Variants in ZSWIM5 observed in about 807,000 individuals in gnomAD.
The protein encoded by ZSWIM5 is zinc finger SWIM-type containing 5.
ZSWIM5 carries 55 observed loss-of-function variants against 119.6 expected under a neutral mutation model. That is an observed-to-expected ratio of 0.46 (90% CI 0.37 to 0.58). The LOEUF (loss-of-function observed/expected upper bound fraction) is 0.58. Ranked by LOEUF, ZSWIM5 falls within the 20% of genes least tolerant of loss-of-function variation. The pLI is 0.00. For synonymous variants in ZSWIM5, 537 were observed against 606.9 expected (o/e 0.88, Z 1.69); for missense variants, 1,193 against 1,512.8 (o/e 0.79, Z 3.51).
chr1:45,138,021 A>G (rs113257817), intron 1 of ZSWIM5, among the ~76,000 whole-genome samples: 8 of 152,290 alleles, frequency 5.3e-5, no homozygotes, highest in East Asian at 3.9e-4. Context: ...AGTTCCTCCA[A>G]TACTGGGGTT....
At chr1:45,070,651 TC>T (rs1029760345) in intron 2 of ZSWIM5, among the ~76,000 whole-genome samples, 6 of 152,232 alleles carry the variant, frequency 3.9e-5, no homozygotes, top group African/African-American at 1.4e-4. Context: ...AGTTTGTATT[TC>T]CCCCAAATTG....
intron 4 of ZSWIM5, among the ~76,000 whole-genome samples, chr1:45,055,159 T>G (rs1645114454): frequency 6.6e-6 from 1 of 152,074 alleles, no homozygotes; most frequent in Admixed American, 6.6e-5. Context: ...CCTGGCTAAT[T>G]TTTTGTATTT....
At chr1:45,126,958 T>C (rs1485091013) in intron 1 of ZSWIM5, among the ~76,000 whole-genome samples, 2 of 151,974 alleles carry the variant, frequency 1.3e-5, no homozygotes, top group Admixed American at 6.6e-5. Flanking sequence ...ACCACCTCGT[T>C]CTCCCGAGTA....
At chr1:45,041,641 A>G (rs1645018971) in intron 6 of ZSWIM5, among the ~76,000 whole-genome samples, 3 of 151,476 alleles carry the variant, frequency 2.0e-5, no homozygotes, top group African/African-American at 7.3e-5. Context: ...GGTCCAAGCA[A>G]TTCTCCTGCC....
chr1:45,020,087 C>T lies in ZSWIM5; in HGVS notation c.2674G>A (p.Val892Met), dbSNP rs141146971. The T allele has an allele frequency of 8.1e-6, 13 of 1,614,104 alleles. No individual in the cohort carries two copies. In the Middle Eastern group the frequency reaches 6.6e-4, roughly 82 times the overall value. ...TCACCCACTTCTGTAGCACAGGTCACCAACCATCGTACCATCTCCCTGCGT... is the reference window on the plus strand; with the variant it reads ...TCACCCACTTCTGTAGCACAGGTCATCAACCATCGTACCATCTCCCTGCGT... ...WRRREMVRWL[V>M]TCATEVGVRA... Residue 892 changes from valine to methionine, a missense_variant, in exon 13 of 14, where the codon GTG becomes ATG. By Grantham distance (21) the Val-to-Met change is conservative. This residue lies in a region of ZSWIM5 where 961 missense variants were observed against 1,290.0 expected (regional missense o/e 0.74). Transcript: ENST00000359600.
At chr1:45,142,851 TA>T (rs540430672) in intron 1 of ZSWIM5, among the ~76,000 whole-genome samples, 11 of 146,900 alleles carry the variant, frequency 7.5e-5, no homozygotes, top group Non-Finnish European at 9.0e-5. Flanking sequence ...CAACAGTATT[TA>T]AAAAAAAAAG....
intron 1 of ZSWIM5, among the ~76,000 whole-genome samples, chr1:45,156,865 T>A (rs1645829858): frequency 6.7e-6 from 1 of 150,306 alleles, no homozygotes; most frequent in African/African-American, 2.5e-5. Flanking sequence ...ATGTAGAAAA[T>A]CTTTAAGAAT....
intron 1 of ZSWIM5, among the ~76,000 whole-genome samples, chr1:45,099,068 C>T (rs978317305): frequency 3.3e-5 from 5 of 151,974 alleles, no homozygotes; most frequent in Admixed American, 2.6e-4. Context: ...CTGAAGGAGA[C>T]AGTGACACAA....
At chr1:45,104,536 C>A (rs758913443) in intron 1 of ZSWIM5, among the ~76,000 whole-genome samples, 4 of 152,214 alleles carry the variant, frequency 2.6e-5, no homozygotes, top group Non-Finnish European at 4.4e-5. Flanking sequence ...CTGGCCACGC[C>A]TGGGGCCTAT....
chr1:45,059,101 T>C (rs921566552), intron 3 of ZSWIM5, among the ~76,000 whole-genome samples: 1 of 152,172 alleles, frequency 6.6e-6, no homozygotes, highest in Admixed American at 6.5e-5. Context: ...GTTCTTCAAA[T>C]GATTAAGCAT....
At chr1:45,023,552 T>G (rs1375330118) in intron 11 of ZSWIM5, among the ~76,000 whole-genome samples, 1 of 152,014 alleles carries the variant, frequency 6.6e-6, no homozygotes, top group African/African-American at 2.4e-5. Context: ...GTCTTTTTAT[T>G]TAGAAATAAT....
At chr1:45,181,421 A>T (rs987581689) in intron 1 of ZSWIM5, among the ~76,000 whole-genome samples, 2 of 152,134 alleles carry the variant, frequency 1.3e-5, no homozygotes, top group Non-Finnish European at 2.9e-5. Context: ...CCTCCAAGAA[A>T]TATGGGACTA....
intron 5 of ZSWIM5, among the ~76,000 whole-genome samples, chr1:45,047,318 CG>C (rs1475194641): frequency 2.0e-5 from 3 of 151,442 alleles, no homozygotes; most frequent in African/African-American, 7.3e-5. Flanking sequence ...CATAAGTAAC[CG>C]GTACAAGAGC....
chr1:45,067,724 G>T (rs989500594), intron 2 of ZSWIM5, among the ~76,000 whole-genome samples: 1 of 152,124 alleles, frequency 6.6e-6, no homozygotes, highest in Admixed American at 6.6e-5. Context: ...CTCCCAGGCA[G>T]CATCTTTTCT....
chr1:45,020,548 TC>T (rs1644881614), intron 12 of ZSWIM5, 76 bp downstream of exon 12: 1 of 1,527,426 alleles, frequency 6.5e-7, no homozygotes, highest in Non-Finnish European at 8.9e-7. Context: ...ATGCCCAGTC[TC>T]CCAGAGATCT....
At chr1:45,159,740 T>C (rs1383689178) in intron 1 of ZSWIM5, among the ~76,000 whole-genome samples, 1 of 151,920 alleles carries the variant, frequency 6.6e-6, no homozygotes, top group African/African-American at 2.4e-5. Flanking sequence ...AGGTGCCCAA[T>C]ACCACACCCA....
chr1:45,203,582 G>A (rs1029394011), intron 1 of ZSWIM5, among the ~76,000 whole-genome samples: 2 of 151,956 alleles, frequency 1.3e-5, no homozygotes, highest in Non-Finnish European at 2.9e-5. Flanking sequence ...GTTATAAACT[G>A]AAAAACACGA....
chr1:45,066,337 C>T (rs1443987796), intron 2 of ZSWIM5, among the ~76,000 whole-genome samples: 5 of 151,998 alleles, frequency 3.3e-5, no homozygotes, highest in Non-Finnish European at 5.9e-5. Context: ...GTGCCAAATA[C>T]TGGATATATA....
intron 6 of ZSWIM5, among the ~76,000 whole-genome samples, chr1:45,041,660 C>T (rs1040454759): frequency 1.3e-5 from 2 of 151,866 alleles, no homozygotes; most frequent in African/African-American, 2.4e-5. Flanking sequence ...CCTCAGCCTC[C>T]TGAGTAGCTG....
Sources: allele counts gnomAD v4.1 joint callset (sites outside exome capture counted in the v4.1 genomes callset), GRCh38; gene constraint gnomAD v4.1.1; regional missense constraint gnomAD v4.1.1; transcripts MANE v1.5; gene names NCBI Gene and HGNC (gene_info 2026-07-23, HGNC 2026-07-21).